TMEM63C: variants seen among roughly 807,000 people sequenced by gnomAD.
TMEM63C encodes the protein osmosensitive cation channel TMEM63C.
Under a neutral mutation model 99.2 loss-of-function variants are expected in TMEM63C, and 32 were observed. The observed-to-expected ratio is 0.32, with a 90% confidence interval of 0.24 to 0.43. TMEM63C has a LOEUF of 0.43. TMEM63C is among the 20% of genes least tolerant of loss of function. The probability of loss-of-function intolerance (pLI) is 1.00; values close to 1 mark genes in which losing one functional copy is unlikely to be tolerated. For synonymous variants in TMEM63C, 376 were observed against 397.9 expected, an observed-to-expected ratio of 0.94 and a Z score of 0.66; for missense variants, 826 against 1,053.0, an observed-to-expected ratio of 0.78 and a Z score of 2.98.
Position 77,255,008 on chromosome 14 carries a change from G to T in TMEM63C, c.2221-1518G>T, listed in dbSNP as rs1440938584. On this transcript the variant is annotated intron_variant, in intron 23 of 23. Transcript: ENST00000298351. ...TTTATAACCTTTTTTTGTGGGGTGG[G>T]GAAACAGAATCTTGCTCTGTTGTTC... Among the ~76,000 whole-genome samples, 5 of 152,200 alleles carry T rather than the reference G, an allele frequency of 3.3e-5. No homozygotes were observed. In the East Asian group the frequency reaches 9.7e-4, roughly 29 times the overall value.
In TMEM63C at chr14:77,192,425, A is replaced by G. The variant is rs372066884; in HGVS notation, c.-77+10531A>G. ...ATGCTCTTTGTATCCATCCTCCTACATAGTCAAATCGGAATTTTGAATTTA... is the reference window on the plus strand; with the variant it reads ...ATGCTCTTTGTATCCATCCTCCTACGTAGTCAAATCGGAATTTTGAATTTA... On this transcript the variant is annotated intron_variant, in intron 1 of 23. Coordinates refer to ENST00000298351, the MANE Select transcript of TMEM63C (RefSeq NM_020431.4). Among the ~76,000 whole-genome samples, 9 of 152,128 alleles carry G rather than the reference A, an allele frequency of 5.9e-5. No individual in the cohort carries two copies. In the South Asian group the frequency reaches 1.9e-3, roughly 32 times the overall value.
intron 5 of TMEM63C, among the ~76,000 whole-genome samples, chr14:77,220,791 C>G (rs1302536635): frequency 6.6e-6 from 1 of 151,334 alleles, no homozygotes; most frequent in Admixed American, 6.6e-5. Flanking sequence ...AACGTCCTCC[C>G]TCCCCACCCC....
chr14:77,189,741 G>A (rs943399464), intron 1 of TMEM63C, among the ~76,000 whole-genome samples: 10 of 152,240 alleles, frequency 6.6e-5, no homozygotes, highest in African/African-American at 1.2e-4. Context: ...GGGTCCAAGA[G>A]GAGGTGACAG....
At chr14:77,248,936 C>T (rs2140131168) in intron 20 of TMEM63C, 64 bp downstream of exon 20, 1 of 1,416,124 alleles carries the variant, frequency 7.1e-7, no homozygotes, top group South Asian at 1.2e-5. Context: ...GGAATTGAGC[C>T]TCACAACATC....
chr14:77,189,257 A>G (rs1215268862), intron 1 of TMEM63C, among the ~76,000 whole-genome samples: 1 of 146,232 alleles, frequency 6.8e-6, no homozygotes, highest in East Asian at 2.1e-4. Context: ...CTACAGATGC[A>G]CACCACCACA....
intron 2 of TMEM63C, among the ~76,000 whole-genome samples, 185 bp from the exon 3 acceptor site, chr14:77,218,616 C>T (rs1888635153): frequency 6.6e-6 from 1 of 152,226 alleles, no homozygotes; most frequent in Non-Finnish European, 1.5e-5. Flanking sequence ...GGGTTTGAGG[C>T]AGCTGTTCTC....
At chr14:77,189,597 A>G (rs1888067467) in intron 1 of TMEM63C, among the ~76,000 whole-genome samples, 1 of 152,246 alleles carries the variant, frequency 6.6e-6, no homozygotes, top group South Asian at 2.1e-4. Context: ...TTTAACAAAG[A>G]ACAGCTGAAG....
intron 1 of TMEM63C, among the ~76,000 whole-genome samples, chr14:77,207,221 G>C (rs955656464): frequency 2.0e-5 from 3 of 152,376 alleles, no homozygotes; most frequent in African/African-American, 7.2e-5. Flanking sequence ...TCCCAGAGGT[G>C]AGATGGATGG....
At chr14:77,244,237 C>A (rs2140128195) in intron 15 of TMEM63C, 112 bp from the exon 16 acceptor site, 1 of 805,096 alleles carries the variant, frequency 1.2e-6, no homozygotes, top group Non-Finnish European at 2.1e-6. Flanking sequence ...AGGCCCCTTG[C>A]AGCCTCCAGG....
intron 6 of TMEM63C, among the ~76,000 whole-genome samples, chr14:77,226,285 C>T (rs1408800714): frequency 6.6e-6 from 1 of 152,176 alleles, no homozygotes; most frequent in Non-Finnish European, 1.5e-5. Flanking sequence ...GCCCCTCTGT[C>T]AGGGACCCAG....
At position 77,259,292 on chromosome 14, in the gene TMEM63C, T is replaced by C. The variant is rs1889539673; in HGVS notation, c.*2566T>C. ...GGAGGGGCCCTCCTCAGGCCTCCAG[T>C]GGCCCCATGCCCACCTGCCTGACCC... is the stretch of plus-strand genomic sequence containing the variant. On this transcript the variant is annotated 3_prime_UTR_variant, in exon 24 of 24. Coordinates refer to ENST00000298351, the MANE Select transcript of TMEM63C (RefSeq NM_020431.4). The C allele has an allele frequency of 6.6e-6, 1 of 152,478 alleles. No individual in the cohort carries two copies. Among genetic ancestry groups the C allele is most frequent in the African/African-American group, 2.4e-5 (1 of 41,436 alleles). 9.4% of individuals were successfully genotyped at this position (152,478 alleles called of 1,614,324 possible).
chr14:77,246,729 A>G (rs1889275221), intron 18 of TMEM63C, 55 bp downstream of exon 18: 1 of 1,450,602 alleles, frequency 6.9e-7, no homozygotes, highest in African/African-American at 1.4e-5. Flanking sequence ...AGGAGTGGTT[A>G]TATGTGCTCT....
Position 77,229,163 on chromosome 14 carries a change from G to T in TMEM63C, c.351-2425G>T, listed in dbSNP as rs1178358137. ...TCACACCTGTAATCCCAGCACTTTG[G>T]GAGGCCAAAGCGGGCAGATCATTTG... On this transcript the variant is annotated intron_variant, in intron 6 of 23. Coordinates refer to ENST00000298351, the MANE Select transcript of TMEM63C (RefSeq NM_020431.4). Among the ~76,000 whole-genome samples, 12 of 152,198 alleles carry T rather than the reference G, an allele frequency of 7.9e-5. No homozygotes were observed. The East Asian group carries it at 2.2e-3, about 27-fold the overall frequency.
chr14:77,248,642 G>C lies in TMEM63C; in HGVS notation c.1765-125G>C, dbSNP rs760119540. 9 of 1,492,128 alleles carry C rather than the reference G, an allele frequency of 6.0e-6. No individual in the cohort carries two copies. The Admixed American group carries it at 1.2e-4, about 20-fold the overall frequency. 92.4% of individuals were successfully genotyped at this position (1,492,128 alleles called of 1,614,324 possible). ...GGATGGGTGTTGGTGGGGCACCTTG[G>C]TCTACAGGGTTGGAAAGGAGGCTGC... On this transcript the variant is annotated intron_variant, in intron 19 of 23. Coordinates refer to ENST00000298351, the MANE Select transcript of TMEM63C (RefSeq NM_020431.4).
At position 77,246,601 on chromosome 14, in the gene TMEM63C, G is replaced by C. The variant is rs759294349; in HGVS notation, c.1536-8G>C. 78 of 1,611,534 alleles carry C rather than the reference G, an allele frequency of 4.8e-5. 3 individuals carry two copies. In the South Asian group the frequency reaches 8.0e-4, roughly 16 times the overall value. On this transcript the variant is annotated splice_polypyrimidine_tract_variant and splice_region_variant and intron_variant, in intron 17 of 23. Coordinates refer to ENST00000298351, the MANE Select transcript of TMEM63C (RefSeq NM_020431.4). ...TAACTAACAGACCTGCCTTGTTTTT[G>C]CTTCTAGTTTGGATGTCTTTCTCCG... is the stretch of plus-strand genomic sequence containing the variant.
intron 1 of TMEM63C, among the ~76,000 whole-genome samples, chr14:77,211,377 G>T (rs1489856029): frequency 6.6e-6 from 1 of 152,186 alleles, no homozygotes; most frequent in Non-Finnish European, 1.5e-5. Context: ...TTTAGGGATG[G>T]TTCTCATACC....
intron 6 of TMEM63C, among the ~76,000 whole-genome samples, chr14:77,230,986 G>T (rs1182592808): frequency 6.6e-6 from 1 of 152,192 alleles, no homozygotes; most frequent in African/African-American, 2.4e-5. Context: ...GGAGTGAATT[G>T]CTGGGTCATA....
chr14:77,215,080 A>T (rs1888557268), intron 2 of TMEM63C, among the ~76,000 whole-genome samples: 1 of 152,130 alleles, frequency 6.6e-6, no homozygotes, highest in Non-Finnish European at 1.5e-5. Flanking sequence ...CTGCAACCAT[A>T]CAGGTGAATC....
In TMEM63C at chr14:77,248,381, G is replaced by A. The variant is rs746569781; in HGVS notation, c.1636G>A (p.Val546Ile). 6.2e-7 allele frequency: 1 copy of A among 1,611,270 alleles called. No homozygotes were observed. The highest frequency in any genetic ancestry group is 2.2e-5 in the East Asian group (1 of 44,744). ...CCTGCCAGACAACGGCGCCTTCTTT[G>A]TCAACTACGTGATCACGGCAGCTTT... is the stretch of plus-strand genomic sequence containing the variant. ...VFLPDNGAFF[V>I]NYVITAALLG... The change falls in exon 19 of 24, where the codon GTC becomes ATC. Residue 546 changes from valine (V) to isoleucine (I), a missense_variant. By Grantham distance (29) the Val-to-Ile change is conservative (BLOSUM62 3). Coordinates refer to ENST00000298351, the MANE Select transcript of TMEM63C (RefSeq NM_020431.4).
Sources: allele counts gnomAD v4.1 joint callset (sites outside exome capture counted in the v4.1 genomes callset), GRCh38; gene constraint gnomAD v4.1.1; transcripts MANE v1.5; gene names NCBI Gene and HGNC (gene_info 2026-07-23, HGNC 2026-07-21).